The following CSMD1 variants were observed in gnomAD, a reference collection of about 807,000 sequenced individuals.
CSMD1 encodes the protein CUB and Sushi multiple domains 1, also known as CUB and sushi domain-containing protein 1.
In CSMD1, 213 loss-of-function variants were observed where a neutral mutation model predicts 417.5. That is an observed-to-expected ratio of 0.51 (90% CI 0.46 to 0.57). The LOEUF (loss-of-function observed/expected upper bound fraction) is 0.57, where lower values mean the gene tolerates loss of function less well. Ranked by LOEUF, CSMD1 falls within the 20% of genes least tolerant of loss-of-function variation. CSMD1 has a pLI of 0.00. For missense variants in CSMD1, 6,923 were observed against 4,529.7 expected, an observed-to-expected ratio of 1.53 and a Z score of -15.17; for synonymous variants, 2,862 against 1,736.8, an observed-to-expected ratio of 1.65 and a Z score of -16.11.
At position 3,616,692 on chromosome 8, in the gene CSMD1, C is replaced by G. The variant is rs201138037; in HGVS notation, c.1097+18G>C. 9 of 1,487,538 alleles carry G rather than the reference C, an allele frequency of 6.1e-6. No homozygotes were observed. In the African/African-American group the frequency reaches 1.2e-4, roughly 21 times the overall value. The allele number at this position is 1,487,538 out of a possible 1,614,324, so 92.1% of individuals were successfully genotyped here. ...TTAAAAATAACATGCTTTTTTCCAC[C>G]ACTATTGTATCTCTTACCTGAAGTC... is the stretch of plus-strand genomic sequence containing the variant. On this transcript the variant is annotated intron_variant, in intron 8 of 69. Transcript: ENST00000635120.
chr8:3,340,560 T>C (rs1035655029), intron 23 of CSMD1, among the ~76,000 whole-genome samples: 6 of 152,228 alleles, frequency 3.9e-5, no homozygotes, highest in Non-Finnish European at 5.9e-5. Flanking sequence ...AAAGTGTCTT[T>C]ACACAGTCTT....
At chr8:3,860,768 G>A (rs554979689) in intron 5 of CSMD1, among the ~76,000 whole-genome samples, 1 of 152,118 alleles carries the variant, frequency 6.6e-6, no homozygotes, top group African/African-American at 2.4e-5. Context: ...TGAAGGGAGA[G>A]AGTAGAGCTG....
At chr8:4,640,581 T>C (rs764452996) in intron 1 of CSMD1, among the ~76,000 whole-genome samples, 1 of 152,330 alleles carries the variant, frequency 6.6e-6, no homozygotes, top group East Asian at 1.9e-4. Context: ...TATACATGTT[T>C]TCTTTGTAAA....
At chr8:4,246,145 C>T (rs1041133709) in intron 3 of CSMD1, among the ~76,000 whole-genome samples, 1 of 152,132 alleles carries the variant, frequency 6.6e-6, no homozygotes, top group Non-Finnish European at 1.5e-5. Flanking sequence ...GCCTAGTACC[C>T]ATTATTTTCC....
At chr8:4,079,144 T>C (rs1268974067) in intron 3 of CSMD1, among the ~76,000 whole-genome samples, 1 of 151,694 alleles carries the variant, frequency 6.6e-6, no homozygotes, top group East Asian at 1.9e-4. Flanking sequence ...CTGGATCATA[T>C]AAAAGAGAAA....
intron 3 of CSMD1, among the ~76,000 whole-genome samples, chr8:4,280,566 A>C (rs888114385): frequency 6.6e-6 from 1 of 152,206 alleles, no homozygotes; most frequent in Non-Finnish European, 1.5e-5. Context: ...TTAGAACTTG[A>C]GACTGCAGCT....
chr8:4,700,858 A>T (rs755828324), intron 1 of CSMD1, among the ~76,000 whole-genome samples: 3 of 152,202 alleles, frequency 2.0e-5, no homozygotes, highest in Non-Finnish European at 4.4e-5. Context: ...GAAAGGATGA[A>T]GAACAATAGA....
intron 3 of CSMD1, among the ~76,000 whole-genome samples, chr8:4,271,136 C>G (rs899628093): frequency 6.6e-6 from 1 of 152,162 alleles, no homozygotes; most frequent in Admixed American, 6.6e-5. Flanking sequence ...GGAGCTTACT[C>G]TGAATTATTG....
intron 1 of CSMD1, among the ~76,000 whole-genome samples, chr8:4,801,157 A>C (rs1466540171): frequency 6.6e-6 from 1 of 152,228 alleles, no homozygotes; most frequent in Non-Finnish European, 1.5e-5. Flanking sequence ...CCTTAAATCA[A>C]TGTCTTACTT....
At chr8:3,189,853 G>A in intron 34 of CSMD1, 59 bp downstream of exon 34, 1 of 1,423,560 alleles carries the variant, frequency 7.0e-7, no homozygotes. Context: ...AACATGAGAA[G>A]TAACTCTTTG....
intron 5 of CSMD1, among the ~76,000 whole-genome samples, chr8:3,757,066 G>A (rs558837700): frequency 6.6e-6 from 1 of 152,184 alleles, no homozygotes; most frequent in African/African-American, 2.4e-5. Flanking sequence ...GCCTCTCAGA[G>A]TGCTGGGATT....
chr8:3,785,916 C>A (rs139022177), intron 5 of CSMD1, among the ~76,000 whole-genome samples: 5 of 152,176 alleles, frequency 3.3e-5, no homozygotes, highest in Non-Finnish European at 7.3e-5. Flanking sequence ...CTCTGTACAC[C>A]ATTCTTGGAG....
chr8:4,453,298 G>A (rs544783475), intron 2 of CSMD1, among the ~76,000 whole-genome samples: 39 of 151,730 alleles, frequency 2.6e-4, no homozygotes, highest in African/African-American at 9.4e-4. Flanking sequence ...CACTCCCACT[G>A]GCAATCAACT....
Position 4,456,985 on chromosome 8 carries a change from T to A in CSMD1, c.303-36920A>T, listed in dbSNP as rs866394183. On this transcript the variant is annotated intron_variant, in intron 2 of 69. Coordinates refer to ENST00000635120, the MANE Select transcript of CSMD1 (RefSeq NM_033225.6). ...GATTTTGATGAGTGTGGTTTTTTTT[T>A]AAAAAAAAAAAAAACAACAAGAAAA... Among the ~76,000 whole-genome samples, 598 of 138,804 alleles carry A rather than the reference T, an allele frequency of 4.3e-3. 5 individuals carry two copies. The highest frequency in any genetic ancestry group is 0.013 in the African/African-American group (500 of 37,276). The allele number at this position is 138,804 out of a possible 152,430, so 91.1% of individuals were successfully genotyped here. A position where few individuals can be genotyped will look rare whatever the true frequency, so the allele number is the denominator to read the frequency against.
intron 5 of CSMD1, among the ~76,000 whole-genome samples, chr8:3,757,776 G>T (rs1298854958): frequency 6.6e-6 from 1 of 151,930 alleles, no homozygotes; most frequent in Non-Finnish European, 1.5e-5. Flanking sequence ...TTGAACCTGG[G>T]AGGCAGAGGT....
intron 10 of CSMD1, among the ~76,000 whole-genome samples, chr8:3,502,801 T>C (rs983678449): frequency 1.3e-5 from 2 of 152,178 alleles, no homozygotes; most frequent in Non-Finnish European, 2.9e-5. Flanking sequence ...TTTATACAGT[T>C]GCCCAAATCC....
chr8:4,129,294 C>A (rs1481152576), intron 3 of CSMD1, among the ~76,000 whole-genome samples: 2 of 152,058 alleles, frequency 1.3e-5, no homozygotes, highest in Non-Finnish European at 2.9e-5. Context: ...CTAGCACAGT[C>A]ATTATCTTCT....
intron 1 of CSMD1, among the ~76,000 whole-genome samples, chr8:4,847,212 T>A (rs1801195568): frequency 6.6e-6 from 1 of 152,182 alleles, no homozygotes; most frequent in South Asian, 2.1e-4. Flanking sequence ...CTATATGAAA[T>A]TAATTAATGC....
At chr8:4,034,948 C>T (rs1012498651) in intron 3 of CSMD1, among the ~76,000 whole-genome samples, 11 of 152,114 alleles carry the variant, frequency 7.2e-5, no homozygotes, top group African/African-American at 2.4e-4. Context: ...AAATGAAACA[C>T]TCTGGAAATG....
Sources: gnomAD v4.1 joint callset for allele counts (sites outside exome capture counted in the v4.1 genomes callset) on GRCh38, gnomAD v4.1.1 for gene constraint, MANE v1.5 for transcripts, NCBI Gene and HGNC (gene_info 2026-07-23, HGNC 2026-07-21) for gene names.